Variants in LRGUK observed in about 807,000 individuals in gnomAD.
LRGUK encodes the protein leucine-rich repeat and guanylate kinase domain-containing protein.
A neutral mutation model predicts 76.0 loss-of-function variants in LRGUK; 65 were observed. The ratio of observed to expected loss-of-function variants is 0.85; its 90% confidence interval spans 0.70 to 1.05. The LOEUF (loss-of-function observed/expected upper bound fraction) is 1.05. LRGUK is among the 50% of genes least tolerant of loss of function. LRGUK has a pLI of 0.00. For missense variants in LRGUK, 758 were observed against 732.8 expected (o/e 1.03, Z -0.40); for synonymous variants, 268 against 265.6 (o/e 1.01, Z -0.09).
downstream of LRGUK, among the ~76,000 whole-genome samples, chr7:134,211,447 A>G (rs1801266553): frequency 6.6e-6 from 1 of 152,230 alleles, no homozygotes; most frequent in African/African-American, 2.4e-5. Flanking sequence ...AGAACTTTTG[A>G]GACAGGAAGA....
chr7:134,176,271 G>A (rs984531680), intron 8 of LRGUK, among the ~76,000 whole-genome samples: 1 of 151,852 alleles, frequency 6.6e-6, no homozygotes, highest in African/African-American at 2.4e-5. Context: ...TAATGCATGC[G>A]GGGCTTAATA....
chr7:134,187,937 G>A (rs186889294), intron 11 of LRGUK, among the ~76,000 whole-genome samples: 64 of 152,264 alleles, frequency 4.2e-4, no homozygotes, highest in African/African-American at 1.4e-3. Flanking sequence ...TTATAATAGA[G>A]TAAAATAAAA....
intron 11 of LRGUK, among the ~76,000 whole-genome samples, chr7:134,188,451 T>C (rs189683322): frequency 3.9e-5 from 6 of 152,030 alleles, no homozygotes; most frequent in Non-Finnish European, 5.9e-5. Flanking sequence ...TGTTGGCAAT[T>C]TGGGAAAGGG....
At chr7:134,139,437 G>C in exon 3 of LRGUK, 1 of 1,601,540 alleles carries the variant, frequency 6.2e-7, no homozygotes, top group East Asian at 2.2e-5. Flanking sequence ...TTTTCTCAGG[G>C]TTGTAATTTA....
At chr7:134,192,932 C>G (rs1800318702) in intron 12 of LRGUK, among the ~76,000 whole-genome samples, 1 of 152,192 alleles carries the variant, frequency 6.6e-6, no homozygotes, top group Non-Finnish European at 1.5e-5. Context: ...CTTTCCCCTT[C>G]TTTTTCCTTC....
chr7:134,169,679 A>G (rs1028386170), intron 7 of LRGUK, among the ~76,000 whole-genome samples: 1 of 152,162 alleles, frequency 6.6e-6, no homozygotes, highest in Non-Finnish European at 1.5e-5. Flanking sequence ...TGAAGTGGGC[A>G]TCTAGTTCCC....
intron 7 of LRGUK, among the ~76,000 whole-genome samples, chr7:134,164,573 T>C (rs911850647): frequency 6.6e-6 from 1 of 152,242 alleles, no homozygotes; most frequent in African/African-American, 2.4e-5. Flanking sequence ...ATCGAATACT[T>C]TATCACATTT....
intron 15 of LRGUK, among the ~76,000 whole-genome samples, chr7:134,201,871 G>A (rs978792198): frequency 1.1e-4 from 17 of 152,152 alleles, no homozygotes; most frequent in African/African-American, 3.6e-4. Flanking sequence ...TCAGAACTCA[G>A]CCTTCCAGAG....
intron 1 of LRGUK, among the ~76,000 whole-genome samples, chr7:134,131,431 T>C (rs151326916): frequency 1.1e-3 from 164 of 152,278 alleles, no homozygotes; most frequent in African/African-American, 3.8e-3. Flanking sequence ...CAGAGATGAG[T>C]ACAGCTGACA....
chr7:134,214,934 GATGCTGTGTT>G (rs1028968743), downstream of LRGUK, among the ~76,000 whole-genome samples: 5 of 152,118 alleles, frequency 3.3e-5, no homozygotes, highest in African/African-American at 1.2e-4. Context: ...CCAGAAGTTA[GATGCTGTGTT>G]ATGGGAATCT....
At chr7:134,140,706 C>T (rs1477167443) in intron 3 of LRGUK, among the ~76,000 whole-genome samples, 1 of 152,016 alleles carries the variant, frequency 6.6e-6, no homozygotes, top group African/African-American at 2.4e-5. Flanking sequence ...TTCTAGGACC[C>T]TAATAAAGTC....
Position 134,174,542 on chromosome 7 carries a change from C to T in LRGUK, c.940-14C>T. 1 of 1,542,744 alleles carries T rather than the reference C, an allele frequency of 6.5e-7. No individual in the cohort carries two copies. On this transcript the variant is annotated splice_polypyrimidine_tract_variant and intron_variant, in intron 7 of 15. Coordinates refer to ENST00000645682, the Ensembl canonical transcript of LRGUK. Reference sequence around the variant, plus strand: ...CATTTAGTCTGTTGATAATTTTTTTCTTTGATTGAACAGATTGCTGAGCTG... The same window carrying T: ...CATTTAGTCTGTTGATAATTTTTTTTTTTGATTGAACAGATTGCTGAGCTG...
At chr7:134,188,811 A>G (rs55731367) in intron 11 of LRGUK, among the ~76,000 whole-genome samples, 15,557 of 152,208 alleles carry the variant, frequency 0.1, 1,562 homozygotes, top group East Asian at 0.38. Context: ...CTCAGAGCCA[A>G]GCCTCTGCCT....
At chr7:134,153,022 G>A (rs911677999) in intron 5 of LRGUK, among the ~76,000 whole-genome samples, 2 of 152,048 alleles carry the variant, frequency 1.3e-5, no homozygotes, top group Non-Finnish European at 2.9e-5. Context: ...GTAGATTTAA[G>A]TTGTTAATTT....
At chr7:134,181,103 T>C (rs146712182) in intron 10 of LRGUK, among the ~76,000 whole-genome samples, 154 of 152,328 alleles carry the variant, frequency 1.0e-3, no homozygotes, top group Middle Eastern at 3.4e-3. Context: ...GCTAACTACA[T>C]AGTTGTTGCT....
chr7:134,199,757 G>A (rs1427898061), intron 14 of LRGUK, among the ~76,000 whole-genome samples: 1 of 150,870 alleles, frequency 6.6e-6, no homozygotes, highest in Non-Finnish European at 1.5e-5. Context: ...TGAAACTCAG[G>A]TAATTTGATT....
exon 2 of LRGUK, chr7:134,137,070 C>T (rs1357051878): frequency 1.2e-6 from 2 of 1,613,464 alleles, no homozygotes; most frequent in Non-Finnish European, 8.5e-7. Context: ...CCAAAGCACT[C>T]CATCACTTGG....
chr7:134,196,993 G>A lies in LRGUK; in HGVS notation c.1433G>A (p.Gly478Glu), dbSNP rs376779533. 3.4e-5 allele frequency: 52 copies of A among 1,536,178 alleles called. 1 individual carries two copies. Among genetic ancestry groups the A allele is most frequent in the Non-Finnish European group, 4.0e-5 (45 of 1,113,562 alleles). ...ATCTTTGTTCTTCTCGAATTCCAGG[G>A]GAAATTCATTCTAACATTTAGTTAT... Residue 478 changes from glycine (G) to glutamate (E), a missense_variant and splice_region_variant, in exon 13 of 16, where the codon GGG (glycine) becomes GAG (glutamate). Coordinates refer to ENST00000645682, the Ensembl canonical transcript of LRGUK.
At position 134,254,328 on chromosome 7, in the gene LRGUK, C is replaced by T. The variant is rs913507736; in HGVS notation, c.2199-3929C>T. Among the ~76,000 whole-genome samples, 4 of 152,010 alleles carry T rather than the reference C, an allele frequency of 2.6e-5. No homozygotes were observed. In the East Asian group the frequency reaches 7.7e-4, roughly 29 times the overall value. ...TATATTTACTATTGACCTAGTTATC[C>T]TGCTTCTGGGAATTGATACTGTCTT... is the stretch of plus-strand genomic sequence containing the variant. On this transcript the variant is annotated intron_variant, in intron 18 of 19. Coordinates refer to the LRGUK transcript ENST00000285928.
Sources: gnomAD v4.1 joint callset for allele counts (sites outside exome capture counted in the v4.1 genomes callset) on GRCh38, gnomAD v4.1.1 for gene constraint, MANE v1.5 for transcripts, NCBI Gene and HGNC (gene_info 2026-07-23, HGNC 2026-07-21) for gene names.